CAST: variants seen among roughly 807,000 people sequenced by gnomAD.
CAST encodes MIR583 host.
Under a neutral mutation model 119.6 loss-of-function variants are expected in CAST, and 76 were observed. The ratio of observed to expected loss-of-function variants is 0.64; its 90% confidence interval spans 0.53 to 0.77. CAST has a LOEUF of 0.77. CAST is among the 30% of genes least tolerant of loss of function. The probability of loss-of-function intolerance (pLI) is 0.00; values close to 1 mark genes in which losing one functional copy is unlikely to be tolerated. For missense variants in CAST, 953 were observed against 946.5 expected, an observed-to-expected ratio of 1.01 and a Z score of -0.09; for synonymous variants, 319 against 331.6, an observed-to-expected ratio of 0.96 and a Z score of 0.41.
chr5:96,752,862 A>G (rs2150589979), intron 20 of CAST, among the ~76,000 whole-genome samples: 1 of 152,016 alleles, frequency 6.6e-6, no homozygotes, highest in African/African-American at 2.4e-5. Flanking sequence ...GACCAAGACC[A>G]ACAGTGGGAA....
chr5:96,540,574 A>G (rs146295446), intron 1 of CAST, among the ~76,000 whole-genome samples: 1 of 152,358 alleles, frequency 6.6e-6, no homozygotes, highest in African/African-American at 2.4e-5. Context: ...TCTTAAAATG[A>G]GCAAACCAAT....
the CAST span, among the ~76,000 whole-genome samples, chr5:96,421,161 G>A: frequency 6.6e-6 from 1 of 152,238 alleles, no homozygotes; most frequent in Admixed American, 6.5e-5. Context: ...AAAGTCTCTT[G>A]CCTCTGGGTC....
chr5:95,979,703 A>G, the CAST span, among the ~76,000 whole-genome samples: 1 of 152,208 alleles, frequency 6.6e-6, no homozygotes, highest in Non-Finnish European at 1.5e-5. Context: ...GAAGAGCTAT[A>G]CATATAAAAG....
chr5:96,544,358 C>A (rs554067719), intron 1 of CAST, among the ~76,000 whole-genome samples: 1 of 152,160 alleles, frequency 6.6e-6, no homozygotes, highest in Admixed American at 6.6e-5. Flanking sequence ...TTGTTCATTG[C>A]TGGTATAAAG....
chr5:96,719,638 T>G (rs1485905641), intron 3 of CAST, among the ~76,000 whole-genome samples: 1 of 152,214 alleles, frequency 6.6e-6, no homozygotes. Context: ...AGGGGTAGTA[T>G]TTTGATAGCA....
intron 7 of CAST, 57 bp downstream of exon 7, chr5:96,729,266 T>G (rs1759965409): frequency 1.0e-6 from 1 of 963,958 alleles, no homozygotes; most frequent in East Asian, 2.4e-5. Context: ...TGGGATATAA[T>G]TAAAATCTTT....
chr5:96,476,786 T>G, the CAST span, among the ~76,000 whole-genome samples: 43 of 152,074 alleles, frequency 2.8e-4, no homozygotes, highest in Non-Finnish European at 5.9e-4. Context: ...TTTTCTCTCA[T>G]CCTCCCAAAC....
Position 96,560,070 on chromosome 5 carries a change from A to T in CAST, c.60+30190A>T, listed in dbSNP as rs562889191. On this transcript the variant is annotated intron_variant, in intron 1 of 11. Coordinates refer to the CAST transcript ENST00000505143. ...AATGCCACATATCTACAACTATCTG[A>T]TCTTTGACAAACCTGACAAAAACAA... Among the ~76,000 whole-genome samples, 23 of 152,322 alleles carry T rather than the reference A, an allele frequency of 1.5e-4. No individual in the cohort carries two copies. In the East Asian group the frequency reaches 2.9e-3, roughly 19 times the overall value.
At chr5:96,101,361 A>C in the CAST span, among the ~76,000 whole-genome samples, 5 of 152,254 alleles carry the variant, frequency 3.3e-5, no homozygotes, top group Non-Finnish European at 4.4e-5. Flanking sequence ...ATGAGACAAC[A>C]CATGTGAGAT....
chr5:96,188,334 A>G, the CAST span, among the ~76,000 whole-genome samples: 2 of 152,148 alleles, frequency 1.3e-5, no homozygotes, highest in Non-Finnish European at 2.9e-5. Context: ...GGATCTTTCC[A>G]TAAATTTGGT....
chr5:96,164,591 C>T, the CAST span, among the ~76,000 whole-genome samples: 1 of 152,190 alleles, frequency 6.6e-6, no homozygotes, highest in Non-Finnish European at 1.5e-5. Flanking sequence ...AATACCCACT[C>T]TGTGCCAGGC....
At chr5:96,454,190 C>T in the CAST span, among the ~76,000 whole-genome samples, 6 of 152,294 alleles carry the variant, frequency 3.9e-5, no homozygotes, top group East Asian at 7.7e-4. Flanking sequence ...AACCCTACTA[C>T]GTGGTAGCCG....
At chr5:96,061,662 TGTGTGC>T in the CAST span, among the ~76,000 whole-genome samples, 3 of 151,810 alleles carry the variant, frequency 2.0e-5, no homozygotes, top group South Asian at 4.2e-4. Context: ...TGTGTGTGTG[TGTGTGC>T]GTGTGTGTGT....
chr5:96,041,799 C>T, the CAST span, among the ~76,000 whole-genome samples: 7 of 152,058 alleles, frequency 4.6e-5, no homozygotes, highest in East Asian at 1.9e-4. Context: ...CTCTGGGGGA[C>T]GATCTACAAT....
At chr5:96,185,955 C>T in the CAST span, among the ~76,000 whole-genome samples, 1 of 151,946 alleles carries the variant, frequency 6.6e-6, no homozygotes, top group South Asian at 2.1e-4. Flanking sequence ...TGGCCATTTT[C>T]AACATATTGA....
At chr5:96,424,272 T>A in the CAST span, among the ~76,000 whole-genome samples, 2 of 151,588 alleles carry the variant, frequency 1.3e-5, no homozygotes, top group Non-Finnish European at 2.9e-5. Context: ...CATAAAGAGG[T>A]TGGGGGGTGG....
the CAST span, among the ~76,000 whole-genome samples, chr5:96,370,770 C>T: frequency 7.2e-5 from 11 of 152,286 alleles, no homozygotes; most frequent in African/African-American, 2.4e-4. Flanking sequence ...TATGAGAAAA[C>T]ATGTAAAGCA....
At chr5:96,610,441 C>T (rs576670182) in intron 1 of CAST, among the ~76,000 whole-genome samples, 132 of 152,242 alleles carry the variant, frequency 8.7e-4, no homozygotes, top group South Asian at 7.0e-3. Context: ...TCAATAGATA[C>T]GAAAAGGCAT....
chr5:96,648,622 A>G (rs963391163), intron 1 of CAST, among the ~76,000 whole-genome samples: 4 of 152,170 alleles, frequency 2.6e-5, no homozygotes, highest in Non-Finnish European at 5.9e-5. Flanking sequence ...TTCAGTCAGC[A>G]AGTAATAACA....
Sources: gnomAD v4.1 joint callset for allele counts (sites outside exome capture counted in the v4.1 genomes callset) on GRCh38, gnomAD v4.1.1 for gene constraint, MANE v1.5 for transcripts, NCBI Gene and HGNC (gene_info 2026-07-23, HGNC 2026-07-21) for gene names.